The following TMEM163 variants were observed in gnomAD, a reference collection of about 807,000 sequenced individuals.
The protein encoded by TMEM163 is transmembrane protein 163.
TMEM163 carries 17 observed loss-of-function variants against 29.3 expected under a neutral mutation model. That is an observed-to-expected ratio of 0.58 (90% confidence interval 0.40 to 0.87). The LOEUF is 0.87. Among genes scored for constraint, TMEM163 ranks in the 40% least tolerant of loss-of-function variants. The pLI is 0.00. For missense variants in TMEM163, 303 were observed against 381.5 expected (o/e 0.79, Z 1.71); for synonymous variants, 157 against 160.6 (o/e 0.98, Z 0.17).
rs557668078 is a variant in TMEM163 at position 134,595,600 on chromosome 2, G to A, written c.323-43509C>T. On this transcript the variant is annotated intron_variant, in intron 2 of 7. Transcript: ENST00000281924. Reference sequence around the variant, plus strand: ...TATGTGTGCGTGTGTCTTTATAGCAGCATGATTTATAACGCTTTAGGTATA... The same window carrying A: ...TATGTGTGCGTGTGTCTTTATAGCAACATGATTTATAACGCTTTAGGTATA... 2.6e-5 allele frequency among the ~76,000 whole-genome samples: 4 copies of A among 152,314 alleles called. No individual in the cohort carries two copies. In the South Asian group the frequency reaches 8.3e-4, roughly 32 times the overall value.
rs149770231 is a variant in TMEM163, at chr2:134,674,960, C to G, written c.322+38240G>C. 2.7e-3 allele frequency among the ~76,000 whole-genome samples: 412 copies of G among 152,266 alleles called. 2 individuals carry two copies. Among genetic ancestry groups the G allele is most frequent in the African/African-American group, 9.7e-3 (401 of 41,550 alleles). On this transcript the variant is annotated intron_variant, in intron 2 of 7. Coordinates refer to ENST00000281924, the MANE Select transcript of TMEM163 (RefSeq NM_030923.5). ...GTTCCTTTAAAAAACCTTTGTGTTC[C>G]TTCACCTCCCTGAATACGTACATAA...
At chr2:134,577,934 G>A (rs930657401) in intron 2 of TMEM163, among the ~76,000 whole-genome samples, 6 of 152,154 alleles carry the variant, frequency 3.9e-5, no homozygotes, top group African/African-American at 1.4e-4. Flanking sequence ...TATACGGGAG[G>A]ATGTGTGTAG....
chr2:134,623,117 T>A (rs924144181), intron 2 of TMEM163, among the ~76,000 whole-genome samples: 2 of 152,182 alleles, frequency 1.3e-5, no homozygotes, highest in Admixed American at 1.3e-4. Context: ...CAGCACCAAG[T>A]CTTCCCTCCC....
At chr2:134,716,819 A>G (rs1156554434) in intron 1 of TMEM163, among the ~76,000 whole-genome samples, 1 of 152,234 alleles carries the variant, frequency 6.6e-6, no homozygotes, top group Non-Finnish European at 1.5e-5. Flanking sequence ...AAAATCACTT[A>G]TTCACCACAT....
intron 2 of TMEM163, among the ~76,000 whole-genome samples, chr2:134,609,954 CCT>C (rs1682460831): frequency 6.6e-6 from 1 of 151,664 alleles, no homozygotes; most frequent in Admixed American, 6.6e-5. Flanking sequence ...TTTTACGAGG[CCT>C]ACAGGGGAAG....
chr2:134,616,678 T>A (rs1189734119), intron 2 of TMEM163, among the ~76,000 whole-genome samples: 1 of 152,182 alleles, frequency 6.6e-6, no homozygotes, highest in Non-Finnish European at 1.5e-5. Flanking sequence ...GTATAACTGG[T>A]AAAATCTGTA....
chr2:134,689,655 A>G (rs1413543456), intron 2 of TMEM163, among the ~76,000 whole-genome samples: 1 of 152,132 alleles, frequency 6.6e-6, no homozygotes, highest in East Asian at 1.9e-4. Flanking sequence ...GGTGGGGGAA[A>G]CGTTCACAGT....
chr2:134,503,123 G>A lies in TMEM163; in HGVS notation c.459-126C>T, dbSNP rs551745726. 86 of 845,038 alleles carry A rather than the reference G, an allele frequency of 1.0e-4. No homozygotes were observed. In the East Asian group the frequency reaches 2.3e-3, roughly 23 times the overall value. 52.3% of individuals were successfully genotyped at this position (845,038 alleles called of 1,614,324 possible). A position where few individuals can be genotyped will look rare whatever the true frequency, so the allele number is the denominator to read the frequency against. ...CAATTGTAATTTGCCACACCCCCAGGGTGACCACCCACAGTCCATGGATTG... is the reference window on the plus strand; with the variant it reads ...CAATTGTAATTTGCCACACCCCCAGAGTGACCACCCACAGTCCATGGATTG... On this transcript the variant is annotated intron_variant, in intron 4 of 7. Coordinates refer to ENST00000281924, the MANE Select transcript of TMEM163 (RefSeq NM_030923.5).
chr2:134,634,400 T>G (rs1367768664), intron 2 of TMEM163, among the ~76,000 whole-genome samples: 1 of 151,442 alleles, frequency 6.6e-6, no homozygotes, highest in East Asian at 1.9e-4. Flanking sequence ...TGTAGAGAGG[T>G]TGAGCATGTA....
At chr2:134,631,275 G>T (rs1171875517) in intron 2 of TMEM163, among the ~76,000 whole-genome samples, 1 of 152,160 alleles carries the variant, frequency 6.6e-6, no homozygotes, top group African/African-American at 2.4e-5. Flanking sequence ...TTGCTATGTT[G>T]CTTCTAAACC....
intron 2 of TMEM163, among the ~76,000 whole-genome samples, chr2:134,595,874 G>T (rs1682068166): frequency 6.6e-6 from 1 of 152,200 alleles, no homozygotes; most frequent in East Asian, 1.9e-4. Flanking sequence ...CAGTGATGAT[G>T]AGCATTTTTT....
intron 4 of TMEM163, among the ~76,000 whole-genome samples, chr2:134,518,710 C>A (rs1254683099): frequency 2.0e-5 from 3 of 152,136 alleles, no homozygotes; most frequent in African/African-American, 4.8e-5. Context: ...GCTGCCTCTG[C>A]CTACAGAAGT....
chr2:134,552,724 C>T (rs529023837), intron 2 of TMEM163, among the ~76,000 whole-genome samples: 4 of 133,278 alleles, frequency 3.0e-5, no homozygotes, highest in East Asian at 4.4e-4. Flanking sequence ...TGCAATGGTG[C>T]TGTCTCGGCT....
chr2:134,502,866 C>T (rs181182008), intron 5 of TMEM163, 35 bp downstream of exon 5: 81 of 1,601,384 alleles, frequency 5.1e-5, no homozygotes, highest in Middle Eastern at 3.3e-4. Context: ...CCAGCGCTGG[C>T]AGGAAGGATT....
intron 2 of TMEM163, among the ~76,000 whole-genome samples, chr2:134,557,197 T>G (rs1439327194): frequency 6.6e-6 from 1 of 152,154 alleles, no homozygotes; most frequent in Non-Finnish European, 1.5e-5. Flanking sequence ...GAGAGATAAT[T>G]CGGGCAAGAC....
intron 2 of TMEM163, among the ~76,000 whole-genome samples, chr2:134,701,392 CAG>C (rs1684701010): frequency 6.6e-6 from 1 of 152,094 alleles, no homozygotes; most frequent in Admixed American, 6.6e-5. Flanking sequence ...ATTGGTAGCA[CAG>C]TATAATAAAG....
At chr2:134,647,217 A>T (rs1055261149) in intron 2 of TMEM163, among the ~76,000 whole-genome samples, 5 of 152,248 alleles carry the variant, frequency 3.3e-5, no homozygotes, top group Non-Finnish European at 5.9e-5. Flanking sequence ...CTTCCAGTTC[A>T]TTAGTCAAAA....
At chr2:134,610,152 A>T (rs924857581) in intron 2 of TMEM163, among the ~76,000 whole-genome samples, 1 of 152,164 alleles carries the variant, frequency 6.6e-6, no homozygotes, top group Admixed American at 6.5e-5. Context: ...AGGAAGGGAG[A>T]AGAGATGGCC....
chr2:134,455,877 G>GTGAC lies in TMEM163; in HGVS notation c.*835_*838dup, dbSNP rs1466522576. On this transcript the variant is annotated 3_prime_UTR_variant, in exon 8 of 8. Coordinates refer to ENST00000281924, the MANE Select transcript of TMEM163 (RefSeq NM_030923.5). ...ACACTCTACAGAATCTAAACCTACC[G>GTGAC]TGACATCAGCTGAGAACGTCTTGTT... is the stretch of plus-strand genomic sequence containing the variant. 1 of 152,682 alleles carries GTGAC rather than the reference G, an allele frequency of 6.5e-6. No individual in the cohort carries two copies. Among genetic ancestry groups the GTGAC allele is most frequent in the East Asian group, 1.9e-4 (1 of 5,180 alleles). 9.5% of individuals were successfully genotyped at this position (152,682 alleles called of 1,614,324 possible).
Sources: allele counts gnomAD v4.1 joint callset (sites outside exome capture counted in the v4.1 genomes callset), GRCh38; gene constraint gnomAD v4.1.1; transcripts MANE v1.5; gene names NCBI Gene and HGNC (gene_info 2026-07-23, HGNC 2026-07-21).